Variants in KIF15 observed in about 807,000 individuals in gnomAD.
KIF15 encodes kinesin family member 15.
In KIF15, 140 loss-of-function variants were observed where a neutral mutation model predicts 190.6. The observed-to-expected ratio is 0.73, with a 90% CI of 0.64 to 0.84. The LOEUF (loss-of-function observed/expected upper bound fraction) is 0.84, where lower values mean the gene tolerates loss of function less well. Among genes scored for constraint, KIF15 ranks in the 40% least tolerant of loss-of-function variants. KIF15 has a pLI of 0.00. For synonymous variants in KIF15, 528 were observed against 551.3 expected, an observed-to-expected ratio of 0.96 and a Z score of 0.59; for missense variants, 1,372 against 1,584.4, an observed-to-expected ratio of 0.87 and a Z score of 2.28.
intron 1 of KIF15, among the ~76,000 whole-genome samples, chr3:44,774,162 G>T (rs1223906918): frequency 2.6e-5 from 4 of 152,180 alleles, no homozygotes; most frequent in Non-Finnish European, 5.9e-5. Flanking sequence ...ACAATGACCT[G>T]GGCAGCATTT....
intron 27 of KIF15, 116 bp downstream of exon 27, chr3:44,838,537 G>T: frequency 1.0e-6 from 1 of 1,004,026 alleles, no homozygotes; most frequent in Non-Finnish European, 1.4e-6. Flanking sequence ...GAAGTCAGGA[G>T]TTCAAGAGCA....
intron 7 of KIF15, among the ~76,000 whole-genome samples, chr3:44,789,932 A>G (rs942278862): frequency 1.2e-4 from 18 of 152,116 alleles, no homozygotes; most frequent in African/African-American, 3.6e-4. Flanking sequence ...TCAACTATAC[A>G]TTTATTTTAA....
intron 18 of KIF15, among the ~76,000 whole-genome samples, chr3:44,812,645 A>G (rs1046098498): frequency 6.6e-6 from 1 of 152,072 alleles, no homozygotes; most frequent in African/African-American, 2.4e-5. Context: ...GGGACAGCCA[A>G]TTTTCTTCTG....
Position 44,843,162 on chromosome 3 carries a change from G to A in KIF15, c.3623G>A (p.Ser1208Asn), listed in dbSNP as rs752307779. The stretch of plus-strand genomic sequence containing the variant: ...GAAATGGAAAACCTACGCCTGGAAA[G>A]TCAGCAGTTAATAGAGAAAAACTGG... ...LREMENLRLE[S>N]QQLIEKNWLL... Residue 1208 changes from serine to asparagine, a missense_variant, in exon 30 of 35, where the codon AGT becomes AAT. Ser to Asn is a conservative substitution (Grantham distance 46, BLOSUM62 1). Coordinates refer to ENST00000326047, the MANE Select transcript of KIF15 (RefSeq NM_020242.3). The A allele has an allele frequency of 1.9e-6, 3 of 1,613,468 alleles. No homozygotes were observed. The highest frequency in any genetic ancestry group is 2.5e-6 in the Non-Finnish European group (3 of 1,179,678).
chr3:44,826,457 CTAAG>C lies in KIF15; in HGVS notation c.2785_2786+2del. The C allele has an allele frequency of 6.3e-7, 1 of 1,583,586 alleles. No homozygotes were observed. Among genetic ancestry groups the C allele is most frequent in the Non-Finnish European group, 8.7e-7 (1 of 1,155,508 alleles). ...TTTGAAGAAGATAAAGAAAACAGTTCTAAGTGAGTGCTATTTATTTTTTCTACTA... is the reference window on the plus strand; with the variant it reads ...TTTGAAGAAGATAAAGAAAACAGTTCTGAGTGCTATTTATTTTTTCTACTA... On this transcript the variant is annotated splice_donor_variant and coding_sequence_variant, in exon 22 of 35. Coordinates refer to ENST00000326047, the MANE Select transcript of KIF15 (RefSeq NM_020242.3). LOFTEE classifies it high-confidence loss of function.
At chr3:44,822,006 T>C (rs1697365693) in intron 20 of KIF15, among the ~76,000 whole-genome samples, 1 of 152,030 alleles carries the variant, frequency 6.6e-6, no homozygotes, top group Non-Finnish European at 1.5e-5. Flanking sequence ...TGCCTGCAAT[T>C]GCAGGCACTC....
At chr3:44,805,749 A>G in intron 15 of KIF15, 96 bp from the exon 16 acceptor site, 3 of 1,090,054 alleles carry the variant, frequency 2.8e-6, no homozygotes, top group Non-Finnish European at 4.0e-6. Flanking sequence ...TTTAGAGATA[A>G]CTATAAAGTT....
intron 3 of KIF15, among the ~76,000 whole-genome samples, chr3:44,776,195 T>A (rs562098263): frequency 1.3e-4 from 20 of 152,160 alleles, no homozygotes; most frequent in African/African-American, 4.1e-4. Flanking sequence ...TTAAATAGTA[T>A]TCTCCTTTTT....
chr3:44,787,268 T>C (rs1029895103), intron 7 of KIF15, among the ~76,000 whole-genome samples: 2 of 152,184 alleles, frequency 1.3e-5, no homozygotes, highest in Admixed American at 1.3e-4. Flanking sequence ...TCCCTGGCTC[T>C]TCCCCAAAAT....
chr3:44,804,985 G>GAAAAAA, intron 14 of KIF15, 42 bp from the exon 15 acceptor site: 1 of 1,352,224 alleles, frequency 7.4e-7, no homozygotes, highest in Non-Finnish European at 9.9e-7. Context: ...CCCTGTCTCA[G>GAAAAAA]AAAAAAAAAA....
rs549440961 is a variant in KIF15, at chr3:44,829,760, A to G, written c.2944-211A>G. On this transcript the variant is annotated intron_variant, in intron 24 of 34. Transcript: ENST00000326047. ...TTATATATGTATATATTATAGATGTATATATATTATAGATGTATATATATA... is the reference window on the plus strand; with the variant it reads ...TTATATATGTATATATTATAGATGTGTATATATTATAGATGTATATATATA... Among the ~76,000 whole-genome samples the G allele has an allele frequency of 1.1e-3, 160 of 139,582 alleles. 1 individual carries two copies. The highest frequency in any genetic ancestry group is 3.6e-3 in the African/African-American group (135 of 37,288). The allele number at this position is 139,582 out of a possible 152,430, so 91.6% of individuals were successfully genotyped here.
intron 3 of KIF15, among the ~76,000 whole-genome samples, chr3:44,777,017 A>T: frequency 7.6e-6 from 1 of 131,076 alleles, no homozygotes; most frequent in African/African-American, 2.9e-5. Context: ...TTTTTGTAAG[A>T]GATGGTGTCT....
At chr3:44,815,303 C>T (rs1260397646) in intron 20 of KIF15, among the ~76,000 whole-genome samples, 1 of 152,234 alleles carries the variant, frequency 6.6e-6, no homozygotes, top group Non-Finnish European at 1.5e-5. Flanking sequence ...ATGCTCAGTT[C>T]TATGTGTTGC....
intron 20 of KIF15, among the ~76,000 whole-genome samples, chr3:44,821,462 G>GAGGC: frequency 6.6e-6 from 1 of 151,918 alleles, no homozygotes; most frequent in Non-Finnish European, 1.5e-5. Context: ...CGGCCGGGTA[G>GAGGC]AGGCACTCCT....
intron 8 of KIF15, 150 bp from the exon 9 acceptor site, chr3:44,797,401 T>A: frequency 1.4e-6 from 1 of 733,436 alleles, no homozygotes; most frequent in East Asian, 2.7e-5. Context: ...CAGCACTTCT[T>A]TTTTATTTGT....
chr3:44,855,895 T>G (rs1224944392), downstream of KIF15, among the ~76,000 whole-genome samples: 2 of 152,208 alleles, frequency 1.3e-5, no homozygotes, highest in East Asian at 1.9e-4. Flanking sequence ...GGTGAGTTTT[T>G]GGGCTCTATT....
At chr3:44,847,942 A>G in intron 30 of KIF15, 43 bp from the exon 31 acceptor site, 1 of 1,315,796 alleles carries the variant, frequency 7.6e-7, no homozygotes. Context: ...TATACTTAGC[A>G]GTGTTTTCCT....
At chr3:44,833,009 C>CAAAAAAAAA (rs11339810) in intron 26 of KIF15, among the ~76,000 whole-genome samples, 1 of 85,208 alleles carries the variant, frequency 1.2e-5, no homozygotes, top group Non-Finnish European at 2.6e-5. Context: ...GACTCCATCT[C>CAAAAAAAAA]AAAAAAAAAA....
chr3:44,821,006 G>A (rs1277917521), intron 20 of KIF15, among the ~76,000 whole-genome samples: 3 of 97,768 alleles, frequency 3.1e-5, no homozygotes, highest in Non-Finnish European at 4.1e-5. Flanking sequence ...CCTCCCGGAC[G>A]GGGCGGCTGG....
Sources: gnomAD v4.1 joint callset for allele counts (sites outside exome capture counted in the v4.1 genomes callset) on GRCh38, gnomAD v4.1.1 for gene constraint, MANE v1.5 for transcripts, NCBI Gene and HGNC (gene_info 2026-07-23, HGNC 2026-07-21) for gene names.